Variants in NPSR1 observed in about 807,000 individuals in gnomAD.
NPSR1 encodes neuropeptide S receptor 1.
In NPSR1, 48 loss-of-function variants were observed where a neutral mutation model predicts 46.9. The ratio of observed to expected loss-of-function variants is 1.02; its 90% CI spans 0.81 to 1.30. NPSR1 has a LOEUF of 1.30. Among genes scored for constraint, NPSR1 ranks in the 50% most tolerant of loss-of-function variants. The pLI is 0.00. For missense variants in NPSR1, 450 were observed against 449.5 expected, an observed-to-expected ratio of 1.00 and a Z score of -0.01; for synonymous variants, 176 against 168.1, an observed-to-expected ratio of 1.05 and a Z score of -0.36.
In NPSR1 at chr7:34,849,870, G is replaced by C. The variant is rs1367715193; in HGVS notation, c.*215G>C. ...TATTCATGCCAGCCAGGAAGGAAAC[G>C]CCTTCCTTCCCCACCATTCCCAGCC... is the stretch of plus-strand genomic sequence containing the variant. On this transcript the variant is annotated 3_prime_UTR_variant, in exon 9 of 9. Transcript: ENST00000360581. 64 of 1,317,952 alleles carry C rather than the reference G, an allele frequency of 4.9e-5. No homozygotes were observed. Among genetic ancestry groups the C allele is most frequent in the Non-Finnish European group, 6.1e-5 (63 of 1,029,202 alleles). The allele number at this position is 1,317,952 out of a possible 1,614,324, so 81.6% of individuals were successfully genotyped here. A position where few individuals can be genotyped will look rare whatever the true frequency, so the allele number is the denominator to read the frequency against.
At chr7:34,724,398 A>G (rs1432255178) in intron 2 of NPSR1, among the ~76,000 whole-genome samples, 1 of 152,218 alleles carries the variant, frequency 6.6e-6, no homozygotes, top group Non-Finnish European at 1.5e-5. Flanking sequence ...ACTTCCTGAC[A>G]TCTGTTCTCT....
At chr7:34,713,261 A>C (rs1369447425) in intron 2 of NPSR1, among the ~76,000 whole-genome samples, 2 of 152,152 alleles carry the variant, frequency 1.3e-5, no homozygotes, top group African/African-American at 4.8e-5. Flanking sequence ...ACATAATCTC[A>C]CTTTTCTAAA....
At chr7:34,856,509 A>G (rs1380552223) in intron 8 of NPSR1, among the ~76,000 whole-genome samples, 1 of 151,670 alleles carries the variant, frequency 6.6e-6, no homozygotes, top group Non-Finnish European at 1.5e-5. Flanking sequence ...TGATTGGCCA[A>G]TACTTCAATG....
chr7:34,741,027 T>C (rs1313725167), intron 2 of NPSR1, among the ~76,000 whole-genome samples: 1 of 152,256 alleles, frequency 6.6e-6, no homozygotes, highest in East Asian at 1.9e-4. Flanking sequence ...ATGGCCTCCA[T>C]AATTCCTGAA....
intron 1 of NPSR1, among the ~76,000 whole-genome samples, chr7:34,658,862 T>C (rs1238642771): frequency 6.6e-6 from 1 of 152,148 alleles, no homozygotes. Context: ...TGAAAGCACT[T>C]TTAATTAATC....
At chr7:34,812,132 C>A (rs983501214) in intron 4 of NPSR1, among the ~76,000 whole-genome samples, 1 of 152,070 alleles carries the variant, frequency 6.6e-6, no homozygotes, top group African/African-American at 2.4e-5. Context: ...GGTGGCTGAC[C>A]CACTTTGTGA....
intron 1 of NPSR1, among the ~76,000 whole-genome samples, chr7:34,673,493 G>A (rs897609168): frequency 6.6e-6 from 1 of 152,180 alleles, no homozygotes; most frequent in Non-Finnish European, 1.5e-5. Context: ...CTACATGGGA[G>A]TTCACAGAAT....
intron 2 of NPSR1, among the ~76,000 whole-genome samples, chr7:34,724,522 G>A (rs1461763735): frequency 1.3e-5 from 2 of 152,216 alleles, no homozygotes; most frequent in African/African-American, 4.8e-5. Context: ...GATCTGAGGT[G>A]GGACGCAGGA....
At chr7:34,667,353 G>A (rs868015915) in intron 1 of NPSR1, among the ~76,000 whole-genome samples, 2 of 152,174 alleles carry the variant, frequency 1.3e-5, no homozygotes, top group Non-Finnish European at 2.9e-5. Context: ...AGGAGAAAGG[G>A]GGGTAGTCAT....
chr7:34,864,374 T>TAAA (rs11339185), intron 8 of NPSR1, among the ~76,000 whole-genome samples: 1 of 129,224 alleles, frequency 7.7e-6, no homozygotes, highest in South Asian at 2.6e-4. Context: ...AGTATAATAA[T>TAAA]AAAAAAAAAA....
chr7:34,783,278 C>T (rs1288875194), intron 3 of NPSR1, among the ~76,000 whole-genome samples: 3 of 152,054 alleles, frequency 2.0e-5, no homozygotes, highest in Non-Finnish European at 4.4e-5. Flanking sequence ...CCTCAGGAAA[C>T]TTATAATCAT....
chr7:34,672,960 T>C (rs1792130973), intron 1 of NPSR1, among the ~76,000 whole-genome samples: 1 of 152,220 alleles, frequency 6.6e-6, no homozygotes, highest in Admixed American at 6.5e-5. Flanking sequence ...CTGCTGTTAC[T>C]ACCTCAAAAG....
intron 2 of NPSR1, among the ~76,000 whole-genome samples, chr7:34,694,382 T>A (rs994025202): frequency 1.6e-4 from 24 of 151,898 alleles, no homozygotes; most frequent in African/African-American, 5.8e-4. Flanking sequence ...GAGAACCAAA[T>A]CAAGAACTTG....
intron 2 of NPSR1, among the ~76,000 whole-genome samples, chr7:34,690,151 TTA>T (rs150307238): frequency 0.017 from 2,525 of 152,002 alleles, 35 homozygotes; most frequent in Middle Eastern, 0.037. Context: ...CAAGAAACGC[TTA>T]TACAGACTCG....
chr7:34,868,420 GACC>G (rs1791370102), intron 8 of NPSR1, among the ~76,000 whole-genome samples: 1 of 151,622 alleles, frequency 6.6e-6, no homozygotes, highest in Non-Finnish European at 1.5e-5. Flanking sequence ...CAGCATTCCT[GACC>G]AAGAAAGATT....
chr7:34,790,356 C>T (rs1787673847), intron 3 of NPSR1, among the ~76,000 whole-genome samples: 1 of 151,918 alleles, frequency 6.6e-6, no homozygotes, highest in Non-Finnish European at 1.5e-5. Context: ...AAATTAGGTA[C>T]AGAAGAGAAG....
chr7:34,673,166 T>C (rs1792142326), intron 1 of NPSR1, among the ~76,000 whole-genome samples: 2 of 152,174 alleles, frequency 1.3e-5, no homozygotes, highest in African/African-American at 4.8e-5. Flanking sequence ...CTATTACATG[T>C]TCCTTATTTG....
intron 2 of NPSR1, among the ~76,000 whole-genome samples, chr7:34,725,106 C>A (rs1784069785): frequency 6.6e-6 from 1 of 151,034 alleles, no homozygotes; most frequent in Non-Finnish European, 1.5e-5. Context: ...GACTCACACA[C>A]ACACACACAC....
At chr7:34,702,853 C>T (rs1458864109) in intron 2 of NPSR1, among the ~76,000 whole-genome samples, 4 of 152,096 alleles carry the variant, frequency 2.6e-5, no homozygotes, top group Non-Finnish European at 4.4e-5. Context: ...TTTTTGGTTA[C>T]CCAAGTTAAA....
Sources: allele counts gnomAD v4.1 joint callset (sites outside exome capture counted in the v4.1 genomes callset), GRCh38; gene constraint gnomAD v4.1.1; transcripts MANE v1.5; gene names NCBI Gene and HGNC (gene_info 2026-07-23, HGNC 2026-07-21).